CNTNAP3B: variants seen among roughly 807,000 people sequenced by gnomAD.
CNTNAP3B encodes contactin associated protein family member 3B.
In CNTNAP3B, 25 loss-of-function variants were observed where a neutral mutation model predicts 108.9. The observed-to-expected ratio is 0.23, with a 90% CI of 0.17 to 0.32. The LOEUF is 0.32. CNTNAP3B is among the 10% of genes least tolerant of loss of function. The pLI is 1.00. For synonymous variants in CNTNAP3B, 103 were observed against 473.4 expected, an observed-to-expected ratio of 0.22 and a Z score of 10.16; for missense variants, 252 against 1,210.4, an observed-to-expected ratio of 0.21 and a Z score of 11.75.
At chr9:41,932,771 G>A (rs1323540786) in intron 14 of CNTNAP3B, among the ~76,000 whole-genome samples, 2 of 152,040 alleles carry the variant, frequency 1.3e-5, no homozygotes, top group Non-Finnish European at 2.9e-5. Context: ...GCCCGCCTTG[G>A]CCTCGCAAAG....
chr9:41,920,562 T>A (rs1823640064), intron 17 of CNTNAP3B, among the ~76,000 whole-genome samples: 1 of 152,292 alleles, frequency 6.6e-6, no homozygotes, highest in Admixed American at 6.5e-5. Context: ...AACATTTCCT[T>A]AACTTCAGGT....
At chr9:42,001,112 G>A (rs1161591414) in intron 4 of CNTNAP3B, among the ~76,000 whole-genome samples, 1 of 48,516 alleles carries the variant, frequency 2.1e-5, no homozygotes, top group East Asian at 6.0e-4. Context: ...GTCCACAAAA[G>A]TCATACTTTT....
intron 14 of CNTNAP3B, among the ~76,000 whole-genome samples, chr9:41,933,481 T>G (rs1206324578): frequency 6.6e-6 from 1 of 152,266 alleles, no homozygotes; most frequent in Non-Finnish European, 1.5e-5. Context: ...TTTGTAATTT[T>G]TTCCATAAAA....
intron 1 of CNTNAP3B, among the ~76,000 whole-genome samples, chr9:42,127,508 T>G (rs1828597944): frequency 7.2e-6 from 1 of 139,572 alleles, no homozygotes; most frequent in Non-Finnish European, 1.5e-5. Flanking sequence ...TCTAGTGACT[T>G]ATTTTGTTGT....
At chr9:42,109,449 A>AG (rs1231856631) in intron 1 of CNTNAP3B, among the ~76,000 whole-genome samples, 1 of 146,924 alleles carries the variant, frequency 6.8e-6, no homozygotes. Context: ...AATGAAAAAA[A>AG]AAAAGAATGC....
At position 41,990,496 on chromosome 9, in the gene CNTNAP3B, G is replaced by A. The variant is rs1156424561; in HGVS notation, c.1333+1114C>T. ...GTACTGAGATAAGGCCCCGCCCTCC[G>A]AATTTCTTCACGGGTCTTGAAATCG... is the stretch of plus-strand genomic sequence containing the variant. On this transcript the variant is annotated intron_variant, in intron 8 of 23. Coordinates refer to ENST00000377561, the MANE Select transcript of CNTNAP3B (RefSeq NM_001201380.3). 3.1e-5 allele frequency among the ~76,000 whole-genome samples: 4 copies of A among 130,202 alleles called. 1 individual carries two copies. Among genetic ancestry groups the A allele is most frequent in the African/African-American group, 9.4e-5 (3 of 31,972 alleles). 85.4% of individuals were successfully genotyped at this position (130,202 alleles called of 152,430 possible).
chr9:42,000,826 AAGC>A (rs1215201808), intron 4 of CNTNAP3B, among the ~76,000 whole-genome samples: 3 of 47,718 alleles, frequency 6.3e-5, no homozygotes, highest in African/African-American at 3.2e-4. Flanking sequence ...TTTAAAATAA[AAGC>A]AGATTAATGA....
At chr9:41,926,816 C>T (rs879354018) in intron 15 of CNTNAP3B, 1 of 152,294 alleles carries the variant, frequency 6.6e-6, no homozygotes, top group African/African-American at 2.4e-5. Context: ...AATGACATAT[C>T]CTGAAGAGTC....
intron 11 of CNTNAP3B, among the ~76,000 whole-genome samples, chr9:41,961,344 G>A (rs1235288876): frequency 6.6e-6 from 1 of 152,302 alleles, no homozygotes; most frequent in Admixed American, 6.5e-5. Flanking sequence ...AAACTCTGAA[G>A]CACAGTGTAA....
intron 3 of CNTNAP3B, among the ~76,000 whole-genome samples, chr9:42,049,282 C>G (rs1480012201): frequency 7.2e-6 from 1 of 139,286 alleles, no homozygotes; most frequent in Non-Finnish European, 1.5e-5. Context: ...TCCCAGATCT[C>G]TCACTCCCAC....
intron 9 of CNTNAP3B, among the ~76,000 whole-genome samples, chr9:41,977,357 C>T (rs1432988162): frequency 1.4e-5 from 2 of 147,216 alleles, no homozygotes; most frequent in African/African-American, 2.6e-5. Flanking sequence ...AATATTTTAC[C>T]TTTGAAATGA....
chr9:41,923,592 C>T (rs1186895909), intron 16 of CNTNAP3B, among the ~76,000 whole-genome samples: 1 of 152,286 alleles, frequency 6.6e-6, no homozygotes, highest in East Asian at 1.9e-4. Flanking sequence ...CAAAACCCCA[C>T]CTCTACCAAA....
At chr9:42,030,750 CAGAGAG>C (rs34457074) in intron 3 of CNTNAP3B, among the ~76,000 whole-genome samples, 856 of 60,422 alleles carry the variant, frequency 0.014, 14 homozygotes, top group African/African-American at 0.043. Flanking sequence ...GAAAGAGATA[CAGAGAG>C]AGAGAGAGAG....
At chr9:41,921,188 T>G (rs10909783) in intron 17 of CNTNAP3B, among the ~76,000 whole-genome samples, 2,286 of 148,434 alleles carry the variant, frequency 0.015, no homozygotes, top group African/African-American at 0.056. Context: ...CAATGAATGC[T>G]GATTCTAGGT....
chr9:42,116,541 A>C, intron 1 of CNTNAP3B, among the ~76,000 whole-genome samples: 3 of 135,836 alleles, frequency 2.2e-5, no homozygotes, highest in Non-Finnish European at 4.7e-5. Context: ...CATGGAAAGG[A>C]ACAACCAGTA....
At chr9:41,932,497 C>CAAGTTTTT in intron 14 of CNTNAP3B, among the ~76,000 whole-genome samples, 1 of 149,166 alleles carries the variant, frequency 6.7e-6, no homozygotes, top group African/African-American at 2.5e-5. Context: ...AATGTTGAGT[C>CAAGTTTTT]AACTTTTTAA....
chr9:42,061,403 T>G (rs1827176587), intron 3 of CNTNAP3B, among the ~76,000 whole-genome samples: 1 of 132,120 alleles, frequency 7.6e-6, no homozygotes, highest in Non-Finnish European at 1.6e-5. Flanking sequence ...CTGCAATCTC[T>G]ACCTCCTGGG....
intron 3 of CNTNAP3B, among the ~76,000 whole-genome samples, chr9:42,051,745 C>G (rs1283996730): frequency 6.6e-6 from 1 of 150,646 alleles, no homozygotes; most frequent in Non-Finnish European, 1.5e-5. Context: ...TTTGGAGAAG[C>G]AAGGATGGAA....
At position 42,123,465 on chromosome 9, in the gene CNTNAP3B, G is replaced by A. The variant is rs1179193883; in HGVS notation, c.85+5545C>T. On this transcript the variant is annotated intron_variant, in intron 1 of 23. Coordinates refer to ENST00000377561, the MANE Select transcript of CNTNAP3B (RefSeq NM_001201380.3). ...ATTTTAGATCAAATCACTCCATCAA[G>A]TCAAAGACTAATTCAACTGTTTGTT... Among the ~76,000 whole-genome samples, 7 of 129,286 alleles carry A rather than the reference G, an allele frequency of 5.4e-5. 1 individual carries two copies. In the Admixed American group the frequency reaches 5.6e-4, roughly 10 times the overall value. 84.8% of individuals were successfully genotyped at this position (129,286 alleles called of 152,430 possible).
Sources: allele counts gnomAD v4.1 joint callset (sites outside exome capture counted in the v4.1 genomes callset), GRCh38; gene constraint gnomAD v4.1.1; transcripts MANE v1.5; gene names NCBI Gene and HGNC (gene_info 2026-07-23, HGNC 2026-07-21).